Variants in PTPRQ observed in about 807,000 individuals in gnomAD.
PTPRQ encodes protein tyrosine phosphatase receptor type Q, also known as phosphatidylinositol phosphatase PTPRQ.
In PTPRQ, 199 loss-of-function variants were observed where a neutral mutation model predicts 246.0. That is an observed-to-expected ratio of 0.81 (90% confidence interval 0.72 to 0.91). The LOEUF is 0.91. Among genes scored for constraint, PTPRQ ranks in the 40% least tolerant of loss-of-function variants. PTPRQ has a pLI of 0.00. For synonymous variants in PTPRQ, 869 were observed against 853.2 expected, an observed-to-expected ratio of 1.02 and a Z score of -0.32; for missense variants, 2,624 against 2,528.4, an observed-to-expected ratio of 1.04 and a Z score of -0.81.
chr12:80,504,214 C>T lies in PTPRQ; in HGVS notation c.2273-1810C>T, dbSNP rs114030146. ...TTCCATAACTGTCTTCTTTGATCTA[C>T]ATTCTTGATAATTTCTTCAATACTA... On this transcript the variant is annotated intron_variant, in intron 14 of 44. Coordinates refer to ENST00000644991, the MANE Select transcript of PTPRQ (RefSeq NM_001145026.2). Among the ~76,000 whole-genome samples, 885 of 151,754 alleles carry T rather than the reference C, an allele frequency of 5.8e-3. 11 individuals are homozygous for T. Among genetic ancestry groups the T allele is most frequent in the African/African-American group, 0.021 (856 of 41,474 alleles).
At chr12:80,457,407 T>C (rs984634634) in intron 3 of PTPRQ, among the ~76,000 whole-genome samples, 168 bp from the exon 4 acceptor site, 4 of 152,142 alleles carry the variant, frequency 2.6e-5, no homozygotes, top group Admixed American at 2.0e-4. Context: ...AATAATACTT[T>C]ATTTGTTGAT....
At chr12:80,644,814 G>C (rs1372319451) in intron 35 of PTPRQ, among the ~76,000 whole-genome samples, 1 of 151,938 alleles carries the variant, frequency 6.6e-6, no homozygotes, top group East Asian at 1.9e-4. Flanking sequence ...CAACACCTAA[G>C]GGAGAAATAC....
At chr12:80,598,712 T>C (rs1474439019) in intron 26 of PTPRQ, among the ~76,000 whole-genome samples, 3 of 151,946 alleles carry the variant, frequency 2.0e-5, no homozygotes, top group Non-Finnish European at 2.9e-5. Context: ...CCCTGAGTGG[T>C]AGGCCCTTTT....
intron 33 of PTPRQ, among the ~76,000 whole-genome samples, chr12:80,624,965 A>G (rs1370300703): frequency 6.6e-6 from 1 of 152,198 alleles, no homozygotes; most frequent in Non-Finnish European, 1.5e-5. Flanking sequence ...CCCACGTCCA[A>G]AGTTGTCCTG....
Position 80,605,197 on chromosome 12 carries a change from C to T in PTPRQ, c.4731+17C>T. 1 of 1,537,332 alleles carries T rather than the reference C, an allele frequency of 6.5e-7. No individual in the cohort carries two copies. Among genetic ancestry groups the T allele is most frequent in the Non-Finnish European group, 8.8e-7 (1 of 1,139,758 alleles). Reference sequence around the variant, plus strand: ...GTCAAATCGGTAAGGCATGTCTTACCTTCTGTAAAAGCCAGTATAAAATGG... The same window carrying T: ...GTCAAATCGGTAAGGCATGTCTTACTTTCTGTAAAAGCCAGTATAAAATGG... On this transcript the variant is annotated intron_variant, in intron 27 of 44. Coordinates refer to ENST00000644991, the MANE Select transcript of PTPRQ (RefSeq NM_001145026.2).
chr12:80,543,851 C>G (rs1896226438), intron 23 of PTPRQ, among the ~76,000 whole-genome samples: 1 of 152,084 alleles, frequency 6.6e-6, no homozygotes, highest in Admixed American at 6.6e-5. Context: ...TGTGAAATAA[C>G]ATTAAATGAC....
chr12:80,554,034 G>A (rs928533067), intron 25 of PTPRQ, among the ~76,000 whole-genome samples: 4 of 151,376 alleles, frequency 2.6e-5, no homozygotes, highest in Non-Finnish European at 5.9e-5. Context: ...TGGAGATAGA[G>A]TGTAGAATGA....
chr12:80,481,238 A>G (rs1418415365), intron 8 of PTPRQ, among the ~76,000 whole-genome samples: 3 of 152,162 alleles, frequency 2.0e-5, no homozygotes, highest in Non-Finnish European at 1.5e-5. Flanking sequence ...ATCAATAAAC[A>G]TAATCCAGCA....
intron 38 of PTPRQ, among the ~76,000 whole-genome samples, chr12:80,654,859 CA>C (rs1900379944): frequency 6.6e-6 from 1 of 151,308 alleles, no homozygotes; most frequent in Non-Finnish European, 1.5e-5. Flanking sequence ...GACTCTATCT[CA>C]AAAAATAATA....
chr12:80,447,238 T>C (rs1892582422), intron 3 of PTPRQ, among the ~76,000 whole-genome samples: 1 of 152,042 alleles, frequency 6.6e-6, no homozygotes, highest in Non-Finnish European at 1.5e-5. Context: ...TTTTGTCCAC[T>C]TTTTAATGGG....
chr12:80,514,037 T>C (rs1352732072), intron 17 of PTPRQ, among the ~76,000 whole-genome samples: 1 of 152,082 alleles, frequency 6.6e-6, no homozygotes, highest in Admixed American at 6.6e-5. Flanking sequence ...AAAAACAAAG[T>C]CTTCTTTACA....
chr12:80,626,911 G>A (rs987953825), intron 33 of PTPRQ, among the ~76,000 whole-genome samples: 2 of 151,916 alleles, frequency 1.3e-5, no homozygotes, highest in Non-Finnish European at 2.9e-5. Context: ...TAGAGATATG[G>A]TTTCTTTTTA....
chr12:80,564,982 T>A (rs911001139), intron 25 of PTPRQ, among the ~76,000 whole-genome samples: 4 of 152,206 alleles, frequency 2.6e-5, no homozygotes, highest in Non-Finnish European at 5.9e-5. Flanking sequence ...AAAGTGGATT[T>A]AAAATTCAAA....
At chr12:80,617,843 T>C (rs1045347904) in intron 30 of PTPRQ, among the ~76,000 whole-genome samples, 9 of 151,456 alleles carry the variant, frequency 5.9e-5, no homozygotes, top group Non-Finnish European at 1.5e-5. Context: ...GATAGTAATG[T>C]CCAATGCTGG....
chr12:80,645,711 G>T (rs1007837837), intron 35 of PTPRQ, among the ~76,000 whole-genome samples: 2 of 151,930 alleles, frequency 1.3e-5, no homozygotes, highest in Admixed American at 1.3e-4. Flanking sequence ...GTAGAACAGA[G>T]TAAGATCGAT....
intron 8 of PTPRQ, among the ~76,000 whole-genome samples, chr12:80,481,744 G>T (rs1170099103): frequency 1.3e-5 from 2 of 151,944 alleles, no homozygotes; most frequent in East Asian, 3.9e-4. Flanking sequence ...GACAAACAGA[G>T]AGCCAAATCA....
chr12:80,567,340 T>G (rs1897009128), intron 25 of PTPRQ, among the ~76,000 whole-genome samples: 1 of 152,240 alleles, frequency 6.6e-6, no homozygotes, highest in African/African-American at 2.4e-5. Flanking sequence ...AAAGCTTTTT[T>G]CATGCTTTTA....
rs1415344252 is a variant in PTPRQ at position 80,510,461 on chromosome 12, G to A, written c.2678+18G>A. On this transcript the variant is annotated intron_variant, in intron 17 of 44. Transcript: ENST00000644991. ...TATGTCTGGTAATAATTTTTTTTTT[G>A]GAAATAGTTCTGAGAACAGATATTA... The A allele has an allele frequency of 6.6e-7, 1 of 1,509,012 alleles. No individual in the cohort carries two copies. Among genetic ancestry groups the A allele is most frequent in the Non-Finnish European group, 8.9e-7 (1 of 1,123,716 alleles). The allele number at this position is 1,509,012 out of a possible 1,614,324, so 93.5% of individuals were successfully genotyped here. A position where few individuals can be genotyped will look rare whatever the true frequency, so the allele number is the denominator to read the frequency against.
intron 14 of PTPRQ, among the ~76,000 whole-genome samples, chr12:80,499,596 T>C (rs1894734780): frequency 6.6e-6 from 1 of 152,042 alleles, no homozygotes; most frequent in Non-Finnish European, 1.5e-5. Flanking sequence ...TATTGTTTCA[T>C]GAGAAATTGA....
Sources: gnomAD v4.1 joint callset for allele counts (sites outside exome capture counted in the v4.1 genomes callset) on GRCh38, gnomAD v4.1.1 for gene constraint, MANE v1.5 for transcripts, NCBI Gene and HGNC (gene_info 2026-07-23, HGNC 2026-07-21) for gene names.